LRP1B: variants seen among roughly 807,000 people sequenced by gnomAD.
LRP1B encodes LDL receptor related protein 1B.
LRP1B carries 217 observed loss-of-function variants against 556.6 expected under a neutral mutation model. The ratio of observed to expected loss-of-function variants is 0.39; its 90% CI spans 0.35 to 0.44. The LOEUF is 0.44. Ranked by LOEUF, LRP1B falls within the 20% of genes least tolerant of loss-of-function variation. LRP1B has a pLI of 1.00. For missense variants in LRP1B, 5,053 were observed against 5,620.8 expected (o/e 0.90, Z 3.23); for synonymous variants, 2,047 against 1,865.8 (o/e 1.10, Z -2.50).
chr2:140,679,070 C>A (rs1168049725), intron 41 of LRP1B, among the ~76,000 whole-genome samples: 1 of 152,134 alleles, frequency 6.6e-6, no homozygotes, highest in Non-Finnish European at 1.5e-5. Flanking sequence ...AGCCACCACG[C>A]CCGGCCAGGC....
chr2:141,722,207 A>G lies in LRP1B; in HGVS notation c.205+88072T>C, dbSNP rs1480274198. Among the ~76,000 whole-genome samples, 3 of 152,104 alleles carry G rather than the reference A, an allele frequency of 2.0e-5. No homozygotes were observed. In the East Asian group the frequency reaches 5.8e-4, roughly 29 times the overall value. On this transcript the variant is annotated intron_variant, in intron 2 of 90. Transcript: ENST00000389484. The stretch of plus-strand genomic sequence containing the variant: ...AACCTGGCCAACATGGTGAAACCCC[A>G]TCTCTATTAAAAATACAAAAATTAG...
At chr2:141,729,896 T>G (rs1693204816) in intron 2 of LRP1B, among the ~76,000 whole-genome samples, 2 of 152,116 alleles carry the variant, frequency 1.3e-5, no homozygotes, top group Non-Finnish European at 2.9e-5. Context: ...AGCAAGAGTC[T>G]GATAACCTGC....
chr2:141,825,650 G>T (rs577405645), intron 1 of LRP1B, among the ~76,000 whole-genome samples: 342 of 152,270 alleles, frequency 2.2e-3, no homozygotes, highest in Non-Finnish European at 3.7e-3. Flanking sequence ...TATGAAATAT[G>T]ACGAAAAGTT....
chr2:140,677,720 A>G (rs1685718964), intron 41 of LRP1B, among the ~76,000 whole-genome samples: 1 of 151,090 alleles, frequency 6.6e-6, no homozygotes, highest in Admixed American at 6.6e-5. Flanking sequence ...TAAAAATACA[A>G]AAAAAACTAG....
At chr2:141,010,018 A>C (rs1697695673) in intron 14 of LRP1B, among the ~76,000 whole-genome samples, 1 of 152,008 alleles carries the variant, frequency 6.6e-6, no homozygotes, top group Non-Finnish European at 1.5e-5. Flanking sequence ...AATCAATAGT[A>C]CCTATTTTAA....
intron 62 of LRP1B, among the ~76,000 whole-genome samples, chr2:140,455,948 T>A (rs950324714): frequency 6.6e-6 from 1 of 152,172 alleles, no homozygotes; most frequent in Admixed American, 6.6e-5. Context: ...AGTAGACAAG[T>A]TAACTCCTGG....
chr2:141,666,735 C>T (rs893245473), intron 2 of LRP1B, among the ~76,000 whole-genome samples: 9 of 152,162 alleles, frequency 5.9e-5, no homozygotes, highest in African/African-American at 2.2e-4. Flanking sequence ...ACTTCCTCTA[C>T]TCATAGTCAG....
intron 2 of LRP1B, among the ~76,000 whole-genome samples, chr2:141,745,422 C>A (rs1018679131): frequency 3.3e-5 from 5 of 152,140 alleles, no homozygotes; most frequent in African/African-American, 1.2e-4. Flanking sequence ...CTTCCCTCCC[C>A]CTTCCACTGG....
At chr2:141,602,797 A>G (rs1239944264) in intron 2 of LRP1B, among the ~76,000 whole-genome samples, 1 of 152,156 alleles carries the variant, frequency 6.6e-6, no homozygotes, top group Non-Finnish European at 1.5e-5. Flanking sequence ...TTTTGCATCC[A>G]ATCTACAGGT....
intron 56 of LRP1B, 113 bp downstream of exon 56, chr2:140,495,452 A>G: frequency 1.1e-6 from 1 of 908,600 alleles, no homozygotes; most frequent in Non-Finnish European, 1.6e-6. Flanking sequence ...GTAGAGAAGA[A>G]TTTTGATTTT....
intron 2 of LRP1B, among the ~76,000 whole-genome samples, chr2:141,806,412 G>C (rs374895757): frequency 3.8e-4 from 57 of 151,982 alleles, no homozygotes; most frequent in African/African-American, 1.3e-3. Flanking sequence ...TTAGACACTT[G>C]AAAAATTATT....
intron 1 of LRP1B, among the ~76,000 whole-genome samples, chr2:142,031,606 G>T (rs1703711901): frequency 6.8e-6 from 1 of 146,138 alleles, no homozygotes; most frequent in Non-Finnish European, 1.5e-5. Context: ...ATGACATATT[G>T]TCAACTAAAA....
intron 2 of LRP1B, among the ~76,000 whole-genome samples, chr2:141,659,288 T>C (rs1690125223): frequency 6.6e-6 from 1 of 152,146 alleles, no homozygotes; most frequent in Admixed American, 6.5e-5. Flanking sequence ...TTTCTGGTCA[T>C]AAGGTCTCTG....
intron 60 of LRP1B, among the ~76,000 whole-genome samples, chr2:140,462,975 A>T (rs974096151): frequency 6.6e-6 from 1 of 152,092 alleles, no homozygotes; most frequent in Admixed American, 6.6e-5. Flanking sequence ...TGTGTAGAGA[A>T]GATAGGGCAT....
intron 1 of LRP1B, among the ~76,000 whole-genome samples, chr2:141,890,713 A>G (rs561775936): frequency 1.8e-4 from 28 of 152,194 alleles, no homozygotes; most frequent in African/African-American, 5.5e-4. Context: ...GCAATGATAA[A>G]TAGGAAAAAC....
intron 2 of LRP1B, among the ~76,000 whole-genome samples, chr2:141,605,582 G>C (rs1389078165): frequency 6.6e-6 from 1 of 152,118 alleles, no homozygotes; most frequent in Non-Finnish European, 1.5e-5. Context: ...ATGGCCTAGA[G>C]CTGGGCTGGA....
intron 1 of LRP1B, among the ~76,000 whole-genome samples, chr2:141,987,118 C>T (rs1230982237): frequency 6.7e-6 from 1 of 150,308 alleles, no homozygotes; most frequent in Non-Finnish European, 1.5e-5. Context: ...TTATCTCCAG[C>T]ATGAAACATC....
chr2:140,945,314 C>A (rs533499246), intron 20 of LRP1B, among the ~76,000 whole-genome samples: 1 of 152,242 alleles, frequency 6.6e-6, no homozygotes, highest in South Asian at 2.1e-4. Flanking sequence ...AGATTCAACA[C>A]CATTCCTATC....
chr2:140,962,761 T>C (rs1232557508), intron 18 of LRP1B, among the ~76,000 whole-genome samples: 1 of 152,230 alleles, frequency 6.6e-6, no homozygotes, highest in Non-Finnish European at 1.5e-5. Flanking sequence ...GCTTCTGGGA[T>C]GTGCAGCAGT....
Sources: allele counts gnomAD v4.1 joint callset (sites outside exome capture counted in the v4.1 genomes callset), GRCh38; gene constraint gnomAD v4.1.1; transcripts MANE v1.5; gene names NCBI Gene and HGNC (gene_info 2026-07-23, HGNC 2026-07-21).